ATP6V0D1: variants seen among roughly 807,000 people sequenced by gnomAD.
ATP6V0D1 encodes ATPase H+ transporting V0 subunit d1, also known as V-type proton ATPase subunit d 1.
A neutral mutation model predicts 39.0 loss-of-function variants in ATP6V0D1; 13 were observed. The ratio of observed to expected loss-of-function variants is 0.33; its 90% CI spans 0.22 to 0.53. The LOEUF (loss-of-function observed/expected upper bound fraction) is 0.53, where lower values mean the gene tolerates loss of function less well. Ranked by LOEUF, ATP6V0D1 falls within the 20% of genes least tolerant of loss-of-function variation. ATP6V0D1 has a pLI of 0.94. For synonymous variants in ATP6V0D1, 191 were observed against 191.2 expected (o/e 1.00, Z 0.01); for missense variants, 272 against 470.9 (o/e 0.58, Z 3.91).
intron 2 of ATP6V0D1, among the ~76,000 whole-genome samples, chr16:67,449,482 A>C (rs1478791919): frequency 6.6e-6 from 1 of 152,258 alleles, no homozygotes; most frequent in Non-Finnish European, 1.5e-5. Context: ...GCATGGTGAC[A>C]TAACAACATG....
At chr16:67,460,200 G>A (rs973960579) in intron 1 of ATP6V0D1, among the ~76,000 whole-genome samples, 15 of 152,178 alleles carry the variant, frequency 9.9e-5, no homozygotes, top group African/African-American at 3.6e-4. Context: ...AGTCGGCTTC[G>A]AAGGGACTGG....
chr16:67,447,410 G>A lies in ATP6V0D1; in HGVS notation c.303-2704C>T, dbSNP rs117041765. 8.7e-4 allele frequency among the ~76,000 whole-genome samples: 132 copies of A among 152,328 alleles called. 2 individuals are homozygous for A. In the East Asian group the frequency reaches 0.022, roughly 25 times the overall value. ...CCTTTCTCCCAAGGCCGAGGCCTTC[G>A]GCAGGCAGGGAAATCCTCCTCTTCC... On this transcript the variant is annotated intron_variant, in intron 2 of 7. Transcript: ENST00000290949. This position sits in a 1 kb window ranked among gnomAD's most constrained non-coding sequence, Gnocchi z 4.1.
intron 2 of ATP6V0D1, chr16:67,445,725 G>C: frequency 8.6e-6 from 3 of 349,526 alleles, no homozygotes; most frequent in South Asian, 2.1e-5. Flanking sequence ...GGAGGGGTGA[G>C]ACTGCCCAGT....
chr16:67,466,796 C>CA (rs912014595), intron 1 of ATP6V0D1, among the ~76,000 whole-genome samples: 6 of 150,964 alleles, frequency 4.0e-5, no homozygotes, highest in African/African-American at 7.3e-5. Context: ...GGCCCTGTCT[C>CA]AAAAAAAAGA....
chr16:67,470,652 A>G (rs1001888450), intron 1 of ATP6V0D1, among the ~76,000 whole-genome samples: 2 of 152,212 alleles, frequency 1.3e-5, no homozygotes, highest in East Asian at 1.9e-4. Flanking sequence ...TTCCAGGTTA[A>G]TATCTTTAGT....
intron 1 of ATP6V0D1, among the ~76,000 whole-genome samples, chr16:67,466,326 T>G (rs894803562): frequency 8.3e-6 from 1 of 120,504 alleles, no homozygotes; most frequent in Non-Finnish European, 1.7e-5. Flanking sequence ...AGTAAACACA[T>G]ACACACACAC....
intron 1 of ATP6V0D1, chr16:67,457,706 G>C: frequency 8.4e-7 from 1 of 1,194,442 alleles, no homozygotes. Flanking sequence ...CAAGCAGAGG[G>C]CTCTCTTCTG....
At chr16:67,458,409 G>C (rs1315211221) in intron 1 of ATP6V0D1, among the ~76,000 whole-genome samples, 1 of 152,184 alleles carries the variant, frequency 6.6e-6, no homozygotes, top group Non-Finnish European at 1.5e-5. Context: ...AGCCAAGGAC[G>C]GCAGGGGCTC....
At chr16:67,457,330 C>T (rs1210131762) in intron 1 of ATP6V0D1, 1 of 317,950 alleles carries the variant, frequency 3.1e-6, no homozygotes, top group South Asian at 2.6e-5. Flanking sequence ...TGGAGCAGGC[C>T]TGGGGGATTC....
Position 67,456,006 on chromosome 16 carries a change from T to C in ATP6V0D1, c.131-2291A>G, listed in dbSNP as rs1225722532. On this transcript the variant is annotated intron_variant, in intron 1 of 7. Coordinates refer to ENST00000290949, the MANE Select transcript of ATP6V0D1 (RefSeq NM_004691.5). This position sits in a 1 kb window ranked among gnomAD's most constrained non-coding sequence, Gnocchi z 4.1. ...GGCAAGTATGCAAGCCTTTTTTTTTTTTTTTTCTGAGATGGAATCTTGCTC... is the reference window on the plus strand; with the variant it reads ...GGCAAGTATGCAAGCCTTTTTTTTTCTTTTTTCTGAGATGGAATCTTGCTC... The C allele has an allele frequency of 6.6e-6, 1 of 152,008 alleles. No individual in the cohort carries two copies. The highest frequency in any genetic ancestry group is 2.4e-5 in the African/African-American group (1 of 41,278). The allele number at this position is 152,008 out of a possible 1,614,324, so 9.4% of individuals were successfully genotyped here. A position where few individuals can be genotyped will look rare whatever the true frequency, so the allele number is the denominator to read the frequency against.
chr16:67,443,074 C>A (rs753855930), intron 4 of ATP6V0D1, 25 bp downstream of exon 4: 46 of 1,611,540 alleles, frequency 2.9e-5, no homozygotes, highest in Non-Finnish European at 3.6e-5. Flanking sequence ...CAGGCCAATC[C>A]CCCATGGCTT....
intron 2 of ATP6V0D1, among the ~76,000 whole-genome samples, chr16:67,450,709 G>A (rs924963915): frequency 6.6e-5 from 10 of 152,168 alleles, no homozygotes; most frequent in Non-Finnish European, 1.2e-4. Flanking sequence ...TAGGTCCCAC[G>A]AGATGTTTTT....
intron 1 of ATP6V0D1, among the ~76,000 whole-genome samples, chr16:67,471,936 C>T (rs1429135160): frequency 6.6e-6 from 1 of 152,168 alleles, no homozygotes; most frequent in Non-Finnish European, 1.5e-5. Context: ...GCCACCACAC[C>T]AGGCCCAGTG....
intron 2 of ATP6V0D1, among the ~76,000 whole-genome samples, chr16:67,451,503 G>A (rs2041180318): frequency 2.0e-5 from 3 of 152,216 alleles, no homozygotes; most frequent in Admixed American, 2.0e-4. Flanking sequence ...AATTTCAGGG[G>A]TGGAGCAGTT....
At chr16:67,455,253 G>A (rs551625929) in intron 1 of ATP6V0D1, 14 of 152,362 alleles carry the variant, frequency 9.2e-5, no homozygotes, top group Non-Finnish European at 2.1e-4. Flanking sequence ...GCTAGCCTGG[G>A]TTGTTTAGAG....
In ATP6V0D1 at chr16:67,444,172, G is replaced by A. The variant is rs1191286977; in HGVS notation, c.481+356C>T. On this transcript the variant is annotated intron_variant, in intron 3 of 7. Transcript: ENST00000290949. This position sits in a 1 kb window ranked among gnomAD's most constrained non-coding sequence, Gnocchi z 4.8. ...TGGCTTTACTCAGGCTCCAGCTCCG[G>A]GCCACAGTCTGTCAGAGCTCTCGGG... Among the ~76,000 whole-genome samples, 3 of 152,186 alleles carry A rather than the reference G, an allele frequency of 2.0e-5. No individual in the cohort carries two copies. The highest frequency in any genetic ancestry group is 7.2e-5 in the African/African-American group (3 of 41,436).
chr16:67,441,887 T>A (rs1035305098), intron 4 of ATP6V0D1, among the ~76,000 whole-genome samples: 18 of 152,246 alleles, frequency 1.2e-4, no homozygotes, highest in African/African-American at 4.3e-4. Flanking sequence ...AGGGGCTTTC[T>A]GAGAAGACTC....
intron 1 of ATP6V0D1, among the ~76,000 whole-genome samples, chr16:67,463,264 C>T (rs2041303180): frequency 6.6e-6 from 1 of 152,132 alleles, no homozygotes. Flanking sequence ...GGCGTGGTGG[C>T]TCATGCCTGT....
chr16:67,462,340 T>A (rs1246414471), intron 1 of ATP6V0D1, among the ~76,000 whole-genome samples: 3 of 152,216 alleles, frequency 2.0e-5, no homozygotes, highest in Non-Finnish European at 2.9e-5. Flanking sequence ...GCAAGCTATT[T>A]CTTCTCCAGG....
Sources: gnomAD v4.1 joint callset for allele counts (sites outside exome capture counted in the v4.1 genomes callset) on GRCh38, gnomAD v4.1.1 for gene constraint, Gnocchi (gnomAD v3.1) non-coding constraint, MANE v1.5 for transcripts, NCBI Gene and HGNC (gene_info 2026-07-23, HGNC 2026-07-21) for gene names.